EXT1: variants seen among roughly 807,000 people sequenced by gnomAD.
EXT1 encodes exostosin glycosyltransferase 1.
Under a neutral mutation model 82.5 loss-of-function variants are expected in EXT1, and 20 were observed. The ratio of observed to expected loss-of-function variants is 0.24; its 90% CI spans 0.17 to 0.35. The LOEUF (loss-of-function observed/expected upper bound fraction) is 0.35, where lower values mean the gene tolerates loss of function less well. Among genes scored for constraint, EXT1 ranks in the 10% least tolerant of loss-of-function variants. The pLI, the probability that EXT1 is intolerant of heterozygous loss-of-function variation, is 1.00. For missense variants in EXT1, 757 were observed against 936.5 expected, an observed-to-expected ratio of 0.81 and a Z score of 2.50; for synonymous variants, 348 against 350.8, an observed-to-expected ratio of 0.99 and a Z score of 0.09.
intron 1 of EXT1, among the ~76,000 whole-genome samples, chr8:118,098,220 T>A (rs998903929): frequency 2.0e-5 from 3 of 152,146 alleles, no homozygotes; most frequent in African/African-American, 7.2e-5. Flanking sequence ...GAAGTGTGCC[T>A]GCTACACGTC....
intron 1 of EXT1, among the ~76,000 whole-genome samples, chr8:117,949,707 C>T (rs1814455626): frequency 1.3e-5 from 2 of 151,780 alleles, no homozygotes; most frequent in South Asian, 4.2e-4. Flanking sequence ...AAAGAGACAT[C>T]TTACTAATTA....
intron 1 of EXT1, among the ~76,000 whole-genome samples, chr8:118,018,219 G>A (rs1275868192): frequency 6.6e-6 from 1 of 152,152 alleles, no homozygotes; most frequent in East Asian, 1.9e-4. Context: ...GATGTAATTA[G>A]TTAAGTTAGA....
chr8:117,945,443 G>A (rs937979735), intron 1 of EXT1, among the ~76,000 whole-genome samples: 3 of 152,154 alleles, frequency 2.0e-5, no homozygotes, highest in South Asian at 2.1e-4. Flanking sequence ...GCAAAGGGGG[G>A]CAAGTTTAAG....
chr8:118,014,558 T>C lies in EXT1; in HGVS notation c.962+95527A>G, dbSNP rs576500565. Among the ~76,000 whole-genome samples the C allele has an allele frequency of 5.3e-5, 8 of 152,306 alleles. No individual in the cohort carries two copies. The South Asian group carries it at 1.7e-3, about 32-fold the overall frequency. On this transcript the variant is annotated intron_variant, in intron 1 of 10. Coordinates refer to ENST00000378204, the MANE Select transcript of EXT1 (RefSeq NM_000127.3). ...AGTTACAGAACAACCAAATTAGAAT[T>C]TCTGGAGCTGGACCCAGAAAGCATC...
intron 1 of EXT1, among the ~76,000 whole-genome samples, chr8:118,078,754 G>A (rs1383743072): frequency 1.3e-5 from 2 of 152,070 alleles, no homozygotes; most frequent in Admixed American, 6.6e-5. Context: ...ATGAGTCATA[G>A]ATGTGTTTAG....
At chr8:117,845,566 AAATAAAT>A in intron 1 of EXT1, among the ~76,000 whole-genome samples, 1 of 150,212 alleles carries the variant, frequency 6.7e-6, no homozygotes, top group South Asian at 2.1e-4. Flanking sequence ...TAAAAAAAAA[AAATAAAT>A]AAAAGATAGC....
chr8:117,806,763 C>T (rs989290886), intron 9 of EXT1, among the ~76,000 whole-genome samples: 2 of 152,200 alleles, frequency 1.3e-5, no homozygotes, highest in African/African-American at 2.4e-5. Flanking sequence ...TACACTTTGT[C>T]TGTTATATCA....
intron 1 of EXT1, among the ~76,000 whole-genome samples, chr8:118,005,898 A>T (rs1382578850): frequency 6.6e-6 from 1 of 152,252 alleles, no homozygotes; most frequent in Non-Finnish European, 1.5e-5. Flanking sequence ...CATCAAATAT[A>T]CTACGGCTTA....
chr8:118,051,296 C>T (rs1278245899), intron 1 of EXT1, among the ~76,000 whole-genome samples: 1 of 152,058 alleles, frequency 6.6e-6, no homozygotes, highest in Non-Finnish European at 1.5e-5. Flanking sequence ...CATGATGGTA[C>T]CACTGCACAC....
rs147202154 is a variant in EXT1, at chr8:117,988,081, C to G, written c.962+122004G>C. Among the ~76,000 whole-genome samples the G allele has an allele frequency of 2.0e-4, 30 of 152,284 alleles. 1 individual carries two copies. In the East Asian group the frequency reaches 4.6e-3, roughly 24 times the overall value. Reference sequence around the variant, plus strand: ...CCAGCCTGAGCAACAGAGTGAGATCCTGTCACAAATAAATAAATACATACA... The same window carrying G: ...CCAGCCTGAGCAACAGAGTGAGATCGTGTCACAAATAAATAAATACATACA... On this transcript the variant is annotated intron_variant, in intron 1 of 10. Transcript: ENST00000378204.
intron 1 of EXT1, among the ~76,000 whole-genome samples, chr8:117,941,108 A>G (rs371588810): frequency 1.1e-4 from 17 of 152,108 alleles, no homozygotes; most frequent in Admixed American, 2.0e-4. Flanking sequence ...AATTCTCTCA[A>G]TAAGTCACTT....
chr8:117,869,100 GC>G (rs942543326), intron 1 of EXT1, among the ~76,000 whole-genome samples: 11 of 152,238 alleles, frequency 7.2e-5, no homozygotes, highest in African/African-American at 2.6e-4. Context: ...GCGCCCACAG[GC>G]CCCCACCCAG....
intron 1 of EXT1, among the ~76,000 whole-genome samples, chr8:117,898,498 T>C (rs565083394): frequency 4.6e-5 from 7 of 152,242 alleles, no homozygotes; most frequent in Non-Finnish European, 1.0e-4. Context: ...AGAATCATGG[T>C]ATTTTCATAT....
intron 1 of EXT1, among the ~76,000 whole-genome samples, chr8:118,000,292 T>C (rs538840856): frequency 2.6e-5 from 4 of 152,206 alleles, no homozygotes; most frequent in South Asian, 2.1e-4. Context: ...GCAGCAAACA[T>C]GCAGATATCT....
chr8:117,919,795 C>T (rs1302807224), intron 1 of EXT1, among the ~76,000 whole-genome samples: 1 of 152,184 alleles, frequency 6.6e-6, no homozygotes, highest in East Asian at 1.9e-4. Flanking sequence ...TGAGCTACCA[C>T]ACCTGACCAA....
At chr8:117,987,090 T>C (rs138401657) in intron 1 of EXT1, among the ~76,000 whole-genome samples, 27 of 152,358 alleles carry the variant, frequency 1.8e-4, no homozygotes, top group Non-Finnish European at 3.2e-4. Context: ...AAGGAACTTA[T>C]GGTCGAAAAT....
chr8:117,928,626 T>C (rs1390120549), intron 1 of EXT1, among the ~76,000 whole-genome samples: 1 of 152,176 alleles, frequency 6.6e-6, no homozygotes, highest in Non-Finnish European at 1.5e-5. Context: ...AACATAGCAA[T>C]TGAAGGAGGC....
chr8:117,898,182 G>GT (rs889802854), intron 1 of EXT1, among the ~76,000 whole-genome samples: 5 of 152,184 alleles, frequency 3.3e-5, no homozygotes, highest in African/African-American at 1.2e-4. Context: ...CACAGTGGTG[G>GT]TTTAACAACC....
chr8:118,059,206 C>T (rs1816842696), intron 1 of EXT1, among the ~76,000 whole-genome samples: 1 of 152,160 alleles, frequency 6.6e-6, no homozygotes, highest in Admixed American at 6.5e-5. Context: ...GAGTAGCCAG[C>T]GGCTCACGGC....
Sources: allele counts gnomAD v4.1 joint callset (sites outside exome capture counted in the v4.1 genomes callset), GRCh38; gene constraint gnomAD v4.1.1; transcripts MANE v1.5; gene names NCBI Gene and HGNC (gene_info 2026-07-23, HGNC 2026-07-21).